The following CEP89 variants were observed in gnomAD, a reference collection of about 807,000 sequenced individuals.
CEP89 encodes centrosomal protein of 89 kDa.
Under a neutral mutation model 97.6 loss-of-function variants are expected in CEP89, and 95 were observed. The observed-to-expected ratio is 0.97, with a 90% CI of 0.82 to 1.15. The LOEUF (loss-of-function observed/expected upper bound fraction) is 1.15, where lower values mean the gene tolerates loss of function less well. Ranked by LOEUF, CEP89 falls within the 50% of genes most tolerant of loss-of-function variation. The pLI, the probability that CEP89 is intolerant of heterozygous loss-of-function variation, is 0.00. For missense variants in CEP89, 869 were observed against 947.7 expected, an observed-to-expected ratio of 0.92 and a Z score of 1.09; for synonymous variants, 354 against 349.1, an observed-to-expected ratio of 1.01 and a Z score of -0.16.
intron 5 of CEP89, among the ~76,000 whole-genome samples, chr19:32,941,737 C>T (rs991116117): frequency 2.8e-4 from 42 of 152,012 alleles, no homozygotes; most frequent in African/African-American, 8.2e-4. Flanking sequence ...TACCACCTTC[C>T]CTAACTGAGA....
intron 3 of CEP89, among the ~76,000 whole-genome samples, chr19:32,957,868 C>T (rs1011553990): frequency 4.6e-5 from 7 of 151,914 alleles, no homozygotes; most frequent in Admixed American, 3.3e-4. Context: ...CGGTAGCAAG[C>T]ATCTGTGGTA....
At chr19:32,942,709 A>G (rs1970712284) in intron 5 of CEP89, among the ~76,000 whole-genome samples, 1 of 152,122 alleles carries the variant, frequency 6.6e-6, no homozygotes, top group Admixed American at 6.5e-5. Flanking sequence ...TCATTTCTCA[A>G]AAAGATTTCC....
chr19:32,971,914 T>G lies in CEP89; in HGVS notation c.-40A>C, dbSNP rs1400809477. On this transcript the variant is annotated 5_prime_UTR_variant, in exon 1 of 19. It removes an upstream start codon present in the reference 5' UTR. Coordinates refer to ENST00000305768, the MANE Select transcript of CEP89 (RefSeq NM_032816.5). ...GAGAATGGACCGGGGCCTGGACTCA[T>G]CAGCAGATCTATCCACAGCCAGGGA... The G allele has an allele frequency of 6.4e-7, 1 of 1,568,254 alleles. No individual in the cohort carries two copies. The highest frequency in any genetic ancestry group is 1.2e-5 in the South Asian group (1 of 86,054).
rs761385245 is a variant in CEP89, at chr19:32,937,669, T to C, written c.629A>G (p.Glu210Gly). The change falls in exon 7 of 19, where the codon GAA becomes GGA. Residue 210 changes from glutamate (E) to glycine (G), a missense_variant. By Grantham distance (98) the Glu-to-Gly change is moderately conservative. Coordinates refer to ENST00000305768, the MANE Select transcript of CEP89 (RefSeq NM_032816.5). ...AGGTTTCTCACATAATGGAGGTTTT[T>C]CATCCTAGGAAAGAAAGAACATAAG... is the stretch of plus-strand genomic sequence containing the variant. ...GKHPVLNLKD[E>G]KPPLCEKPPP... 3.1e-6 allele frequency: 5 copies of C among 1,604,948 alleles called. No individual in the cohort carries two copies. The highest frequency in any genetic ancestry group is 1.3e-5 in the African/African-American group (1 of 74,540).
At position 32,879,457 on chromosome 19, in the gene CEP89, A is replaced by G. The variant is rs540566996; in HGVS notation, c.2136-79T>C. 4.7e-4 allele frequency: 558 copies of G among 1,176,608 alleles called. 2 individuals carry two copies. The highest frequency in any genetic ancestry group is 2.8e-3 in the Middle Eastern group (14 of 4,992). The allele number at this position is 1,176,608 out of a possible 1,614,324, so 72.9% of individuals were successfully genotyped here. The stretch of plus-strand genomic sequence containing the variant: ...ATGAATCCCAAAGTAGCAAGAACTC[A>G]AAACAGAAGAACGCTATCAGCAGGG... On this transcript the variant is annotated intron_variant, in intron 18 of 18. Transcript: ENST00000305768.
chr19:32,930,445 G>C (rs1362134339), intron 9 of CEP89, among the ~76,000 whole-genome samples: 1 of 151,808 alleles, frequency 6.6e-6, no homozygotes, highest in Non-Finnish European at 1.5e-5. Flanking sequence ...TAAATTGGAT[G>C]GTATGTGAAT....
chr19:32,926,164 G>A, intron 11 of CEP89, 26 bp downstream of exon 11: 1 of 1,528,978 alleles, frequency 6.5e-7, no homozygotes, highest in Non-Finnish European at 9.0e-7. Flanking sequence ...TAAATCTTGT[G>A]TCTTCTGGGA....
intron 14 of CEP89, among the ~76,000 whole-genome samples, chr19:32,910,122 G>A (rs988909038): frequency 3.3e-5 from 5 of 152,158 alleles, no homozygotes; most frequent in East Asian, 1.9e-4. Context: ...TTAGCCAAGC[G>A]TGGTGGCACA....
chr19:32,953,700 C>T lies in CEP89; in HGVS notation c.407G>A (p.Ser136Asn), dbSNP rs755130103. The part of the protein sequence containing the change: ...EEDIETQLSS[S>N]GKELGDVSAR... ...ACTGACATCCCCCAATTCCTTGCCGCTGGATGACAGCTGAGTTTCAATGTC... is the reference window on the plus strand; with the variant it reads ...ACTGACATCCCCCAATTCCTTGCCGTTGGATGACAGCTGAGTTTCAATGTC... The change falls in exon 4 of 19, where the codon AGC becomes AAC. Residue 136 changes from serine to asparagine, a missense_variant. Ser to Asn is a conservative substitution (Grantham distance 46, BLOSUM62 1). Coordinates refer to ENST00000305768, the MANE Select transcript of CEP89 (RefSeq NM_032816.5). The T allele has an allele frequency of 6.2e-7, 1 of 1,614,040 alleles. No homozygotes were observed. The highest frequency in any genetic ancestry group is 8.5e-7 in the Non-Finnish European group (1 of 1,179,958).
At chr19:32,887,521 T>C (rs1969424888) in intron 17 of CEP89, among the ~76,000 whole-genome samples, 1 of 152,154 alleles carries the variant, frequency 6.6e-6, no homozygotes, top group Non-Finnish European at 1.5e-5. Flanking sequence ...CCTTGCTTCA[T>C]ATCCTTTTTT....
At chr19:32,932,625 GA>G (rs1238958846) in intron 8 of CEP89, among the ~76,000 whole-genome samples, 1 of 152,078 alleles carries the variant, frequency 6.6e-6, no homozygotes, top group East Asian at 1.9e-4. Flanking sequence ...TCAATAAAAA[GA>G]AGTCAAGTGT....
chr19:32,928,823 G>A (rs1970413878), intron 9 of CEP89, among the ~76,000 whole-genome samples: 1 of 152,000 alleles, frequency 6.6e-6, no homozygotes, highest in Admixed American at 6.6e-5. Context: ...GTTGAACTCA[G>A]GGAAGGGCTC....
intron 16 of CEP89, among the ~76,000 whole-genome samples, chr19:32,889,304 G>A (rs1969465653): frequency 6.6e-6 from 1 of 152,168 alleles, no homozygotes; most frequent in Non-Finnish European, 1.5e-5. Flanking sequence ...CATCCTGGCA[G>A]CTCCCATGCC....
At position 32,880,639 on chromosome 19, in the gene CEP89, T is replaced by TAA. The variant is rs60785987; in HGVS notation, c.2135+1203_2135+1204dup. Among the ~76,000 whole-genome samples, 707 of 137,698 alleles carry TAA rather than the reference T, an allele frequency of 5.1e-3. 2 individuals are homozygous for TAA. Among genetic ancestry groups the TAA allele is most frequent in the African/African-American group, 0.018 (654 of 36,680 alleles). 90.3% of individuals were successfully genotyped at this position (137,698 alleles called of 152,430 possible). A position where few individuals can be genotyped will look rare whatever the true frequency, so the allele number is the denominator to read the frequency against. On this transcript the variant is annotated intron_variant, in intron 18 of 18. Coordinates refer to ENST00000305768, the MANE Select transcript of CEP89 (RefSeq NM_032816.5). ...AGGCAACAGAGCAAGACCTTGTATT[T>TAA]AAAAAAAAAAAAAAAAAAAAAATTC...
At chr19:32,917,889 G>A in intron 13 of CEP89, 1 of 587,478 alleles carries the variant, frequency 1.7e-6, no homozygotes, top group Non-Finnish European at 2.1e-6. Flanking sequence ...CATCTGGGAA[G>A]AGACCCTGTG....
At chr19:32,953,201 G>C (rs1970961909) in intron 4 of CEP89, among the ~76,000 whole-genome samples, 1 of 150,660 alleles carries the variant, frequency 6.6e-6, no homozygotes, top group African/African-American at 2.4e-5. Flanking sequence ...TTAGAAACGG[G>C]AGCGCTCACA....
rs568917722 is a variant in CEP89, at chr19:32,915,064, TATGCTGTGC to T, written c.1565+264_1565+272del. Among the ~76,000 whole-genome samples the T allele has an allele frequency of 6.3e-4, 95 of 151,928 alleles. 1 individual carries two copies. The highest frequency in any genetic ancestry group is 2.2e-3 in the African/African-American group (90 of 41,462). On this transcript the variant is annotated intron_variant, in intron 14 of 18. Coordinates refer to ENST00000305768, the MANE Select transcript of CEP89 (RefSeq NM_032816.5). ...TCTCACTTTCAGACACCTGTGCCAC[TATGCTGTGC>T]ATGACCATAGGTGAAGAAACCCAGA...
intron 16 of CEP89, among the ~76,000 whole-genome samples, chr19:32,892,389 T>C (rs58263471): frequency 0.081 from 12,289 of 151,198 alleles, 1,568 homozygotes; most frequent in African/African-American, 0.27. Flanking sequence ...CTGTAGCCTC[T>C]GCCTCCTGGG....
chr19:32,890,645 G>A (rs1311706170), intron 16 of CEP89, among the ~76,000 whole-genome samples: 2 of 152,110 alleles, frequency 1.3e-5, no homozygotes, highest in Non-Finnish European at 2.9e-5. Flanking sequence ...GCCTGGAGAG[G>A]CTCCCCTGTG....
Sources: allele counts gnomAD v4.1 joint callset (sites outside exome capture counted in the v4.1 genomes callset), GRCh38; gene constraint gnomAD v4.1.1; transcripts MANE v1.5; gene names NCBI Gene and HGNC (gene_info 2026-07-23, HGNC 2026-07-21).